The following LAMA2 variants were observed in gnomAD, a reference collection of about 807,000 sequenced individuals.
LAMA2 encodes laminin subunit alpha 2, also known as laminin subunit alpha-2.
A neutral mutation model predicts 364.8 loss-of-function variants in LAMA2; 269 were observed. The ratio of observed to expected loss-of-function variants is 0.74; its 90% confidence interval spans 0.67 to 0.82. The LOEUF (loss-of-function observed/expected upper bound fraction) is 0.82, where lower values mean the gene tolerates loss of function less well. Ranked by LOEUF, LAMA2 falls within the 40% of genes least tolerant of loss-of-function variation. The pLI is 0.00. For synonymous variants in LAMA2, 1,379 were observed against 1,370.6 expected (o/e 1.01, Z -0.14); for missense variants, 3,807 against 3,873.2 (o/e 0.98, Z 0.45).
chr6:129,015,121 C>G (rs773704450), intron 1 of LAMA2, among the ~76,000 whole-genome samples: 1 of 152,016 alleles, frequency 6.6e-6, no homozygotes, highest in Admixed American at 6.6e-5. Flanking sequence ...AGTTTAAATT[C>G]AGGTAATCTT....
chr6:129,213,722 C>G, intron 12 of LAMA2, among the ~76,000 whole-genome samples: 1 of 152,060 alleles, frequency 6.6e-6, no homozygotes, highest in South Asian at 2.1e-4. Context: ...AATTTATTTT[C>G]TTGTTGTTGA....
intron 1 of LAMA2, among the ~76,000 whole-genome samples, chr6:128,995,016 A>G (rs1783841498): frequency 6.6e-6 from 1 of 152,156 alleles, no homozygotes; most frequent in South Asian, 2.1e-4. Flanking sequence ...TTCTTTGTAT[A>G]TACTGTGATA....
chr6:129,433,107 T>C (rs1050571005), intron 41 of LAMA2, among the ~76,000 whole-genome samples: 1 of 152,116 alleles, frequency 6.6e-6, no homozygotes, highest in Non-Finnish European at 1.5e-5. Context: ...CCCAAACTTG[T>C]GACAGCTACT....
intron 30 of LAMA2, among the ~76,000 whole-genome samples, chr6:129,343,591 C>T (rs1171771061): frequency 2.6e-5 from 4 of 151,888 alleles, no homozygotes; most frequent in Non-Finnish European, 4.4e-5. Context: ...CTTGATGCCC[C>T]GATTTATTTA....
chr6:129,062,585 C>T (rs544009665), intron 3 of LAMA2, among the ~76,000 whole-genome samples: 234 of 152,142 alleles, frequency 1.5e-3, no homozygotes, highest in African/African-American at 5.4e-3. Context: ...CTCTAGTGTG[C>T]CTCTAAAATG....
At chr6:128,977,243 CTTCT>C (rs1215072100) in intron 1 of LAMA2, among the ~76,000 whole-genome samples, 3 of 148,376 alleles carry the variant, frequency 2.0e-5, no homozygotes, top group Non-Finnish European at 4.5e-5. Flanking sequence ...TTCTTGCTTT[CTTCT>C]TTCTTTTCTT....
intron 1 of LAMA2, among the ~76,000 whole-genome samples, chr6:129,029,338 T>A (rs1008943647): frequency 5.3e-5 from 8 of 151,964 alleles, no homozygotes; most frequent in African/African-American, 1.9e-4. Flanking sequence ...TTGTACCATG[T>A]GTATGTGGCA....
At chr6:128,934,036 C>A (rs150604454) in intron 1 of LAMA2, among the ~76,000 whole-genome samples, 220 of 152,212 alleles carry the variant, frequency 1.4e-3, no homozygotes, top group Middle Eastern at 0.014. Context: ...GGAGCCTTTT[C>A]TTTATATTTA....
At chr6:129,072,804 TC>T (rs1433789103) in intron 3 of LAMA2, among the ~76,000 whole-genome samples, 1 of 152,106 alleles carries the variant, frequency 6.6e-6, no homozygotes, top group Admixed American at 6.6e-5. Flanking sequence ...TTTACCTCAG[TC>T]CCACCTCCCC....
At chr6:129,498,989 T>TA (rs1785414280) in intron 58 of LAMA2, among the ~76,000 whole-genome samples, 1 of 152,152 alleles carries the variant, frequency 6.6e-6, no homozygotes, top group Non-Finnish European at 1.5e-5. Flanking sequence ...TCTACTTCCC[T>TA]AAACAAGGCT....
chr6:129,264,620 G>A (rs898213164), intron 15 of LAMA2, among the ~76,000 whole-genome samples: 18 of 152,108 alleles, frequency 1.2e-4, no homozygotes, highest in African/African-American at 4.3e-4. Flanking sequence ...CCCAAGCCCT[G>A]AGGAGCTCCT....
intron 28 of LAMA2, among the ~76,000 whole-genome samples, chr6:129,328,052 CT>C (rs775763219): frequency 8.9e-4 from 136 of 152,258 alleles, no homozygotes; most frequent in Admixed American, 1.5e-3. Flanking sequence ...CAAATAAAAG[CT>C]TTCCTTGGTT....
chr6:129,158,285 T>C (rs1779245637), intron 8 of LAMA2: 2 of 1,613,988 alleles, frequency 1.2e-6, no homozygotes, highest in African/African-American at 2.7e-5. Flanking sequence ...TTAGCACAGT[T>C]TGGTAGATTT....
intron 32 of LAMA2, among the ~76,000 whole-genome samples, chr6:129,363,751 C>T (rs1777602415): frequency 6.6e-6 from 1 of 152,130 alleles, no homozygotes; most frequent in Admixed American, 6.5e-5. Context: ...TCTAGGATTT[C>T]CGAAAGTCCT....
intron 41 of LAMA2, among the ~76,000 whole-genome samples, chr6:129,435,767 GTCCCGTACTCTTCTTCACA>G (rs1251156543): frequency 1.3e-5 from 2 of 152,094 alleles, no homozygotes; most frequent in African/African-American, 2.4e-5. Flanking sequence ...TAATTAATAT[GTCCCGTACTCTTCTTCACA>G]TCCAGACACC....
intron 2 of LAMA2, among the ~76,000 whole-genome samples, chr6:129,052,363 C>T (rs891263416): frequency 1.3e-5 from 2 of 149,704 alleles, no homozygotes; most frequent in African/African-American, 4.9e-5. Context: ...TTAGCTAGCA[C>T]GGTCTCAATC....
Position 129,260,783 on chromosome 6 carries a change from G to A in LAMA2, c.2169G>A (p.Val723=). The A allele has an allele frequency of 6.2e-7, 1 of 1,612,158 alleles. No individual in the cohort carries two copies. The highest frequency in any genetic ancestry group is 8.5e-7 in the Non-Finnish European group (1 of 1,178,408). The change falls in exon 15 of 65, where the codon GTG becomes GTA. Residue 723 remains valine (V), a synonymous_variant. Coordinates refer to ENST00000421865, the MANE Select transcript of LAMA2 (RefSeq NM_000426.4). ...GAAGCATTGCAGCAGCTGTAGAAGT[G>A]TGTCAGTGCCCACCAGGGTATACTG... ...TDGSIAAAVE[V]CQCPPGYTGS... is the part of the protein sequence containing the mutation.
chr6:129,080,333 T>C (rs1773957630), intron 3 of LAMA2, among the ~76,000 whole-genome samples: 1 of 152,156 alleles, frequency 6.6e-6, no homozygotes, highest in Non-Finnish European at 1.5e-5. Flanking sequence ...TTAGAGTAAC[T>C]AAAAGCATCA....
chr6:129,404,733 A>AT (rs1191027387), intron 40 of LAMA2, among the ~76,000 whole-genome samples: 1 of 152,186 alleles, frequency 6.6e-6, no homozygotes, highest in African/African-American at 2.4e-5. Context: ...ACACATGAGA[A>AT]TTTTTTGGGG....
Sources: allele counts gnomAD v4.1 joint callset (sites outside exome capture counted in the v4.1 genomes callset), GRCh38; gene constraint gnomAD v4.1.1; transcripts MANE v1.5; gene names NCBI Gene and HGNC (gene_info 2026-07-23, HGNC 2026-07-21).